Variants in FRYL observed in about 807,000 individuals in gnomAD.
FRYL encodes protein furry homolog-like.
In FRYL, 150 loss-of-function variants were observed where a neutral mutation model predicts 351.2. The observed-to-expected ratio is 0.43, with a 90% CI of 0.37 to 0.49. FRYL has a LOEUF of 0.49. Ranked by LOEUF, FRYL falls within the 20% of genes least tolerant of loss-of-function variation. The pLI is 0.00. For synonymous variants in FRYL, 1,153 were observed against 1,257.1 expected (o/e 0.92, Z 1.75); for missense variants, 3,036 against 3,619.3 (o/e 0.84, Z 4.13).
At chr4:48,737,826 T>C (rs1253694466) in intron 1 of FRYL, among the ~76,000 whole-genome samples, 1 of 152,168 alleles carries the variant, frequency 6.6e-6, no homozygotes, top group South Asian at 2.1e-4. Context: ...TTTAAAATCA[T>C]TAATGTAATT....
chr4:48,687,383 A>C (rs1189939346), intron 2 of FRYL, among the ~76,000 whole-genome samples: 1 of 151,814 alleles, frequency 6.6e-6, no homozygotes, highest in Non-Finnish European at 1.5e-5. Context: ...TTTGAAGGGC[A>C]AGACTTTTCA....
Position 48,613,028 on chromosome 4 carries a change from C to G in FRYL, c.412-3205G>C, listed in dbSNP as rs1268730077. 2.0e-5 allele frequency among the ~76,000 whole-genome samples: 3 copies of G among 152,094 alleles called. No individual in the cohort carries two copies. In the East Asian group the frequency reaches 5.8e-4, roughly 29 times the overall value. ...ATCCCCTATTTGAAATGCTTGGGAC[C>G]AGAAGTGTTTTGGATTTCTGATTTT... On this transcript the variant is annotated intron_variant, in intron 7 of 63. Coordinates refer to ENST00000358350, the MANE Select transcript of FRYL (RefSeq NM_015030.2).
chr4:48,572,195 C>T (rs192445046), intron 26 of FRYL, among the ~76,000 whole-genome samples: 1 of 152,316 alleles, frequency 6.6e-6, no homozygotes, highest in Admixed American at 6.5e-5. Context: ...ACAGCAGACT[C>T]ATCTAAGATG....
At chr4:48,608,269 C>G (rs988772187) in intron 9 of FRYL, among the ~76,000 whole-genome samples, 1 of 152,034 alleles carries the variant, frequency 6.6e-6, no homozygotes, top group Non-Finnish European at 1.5e-5. Context: ...TTGTACTTGC[C>G]TTCTTAGAAT....
At chr4:48,692,025 A>G (rs1480842086) in intron 2 of FRYL, among the ~76,000 whole-genome samples, 1 of 152,212 alleles carries the variant, frequency 6.6e-6, no homozygotes, top group East Asian at 1.9e-4. Flanking sequence ...GAAGAAAATA[A>G]AGACTAGAAA....
intron 39 of FRYL, 131 bp from the exon 40 acceptor site, chr4:48,548,924 G>A: frequency 1.0e-5 from 6 of 573,560 alleles, no homozygotes; most frequent in Admixed American, 3.4e-5. Context: ...GGAAAAAGGA[G>A]GAAAAACAAA....
intron 2 of FRYL, among the ~76,000 whole-genome samples, chr4:48,709,635 TA>T (rs916760692): frequency 6.6e-6 from 1 of 152,186 alleles, no homozygotes; most frequent in African/African-American, 2.4e-5. Flanking sequence ...TTATAGTTCA[TA>T]AAGTGTTGGG....
intron 3 of FRYL, among the ~76,000 whole-genome samples, chr4:48,641,877 C>T (rs1755401188): frequency 6.6e-6 from 1 of 152,134 alleles, no homozygotes; most frequent in Non-Finnish European, 1.5e-5. Context: ...AAAGTTTCCC[C>T]ATTTTGATTA....
chr4:48,767,289 C>T (rs1034371274), intron 1 of FRYL, among the ~76,000 whole-genome samples: 4 of 151,984 alleles, frequency 2.6e-5, no homozygotes, highest in African/African-American at 9.7e-5. Context: ...TTTCAAAGGA[C>T]AACAGCCAGA....
intron 4 of FRYL, among the ~76,000 whole-genome samples, chr4:48,629,449 A>C (rs943439098): frequency 1.3e-5 from 2 of 152,202 alleles, no homozygotes; most frequent in African/African-American, 4.8e-5. Context: ...GAAAGTCGGC[A>C]GTCTGTTCAT....
chr4:48,589,372 T>C (rs958705111), intron 18 of FRYL, among the ~76,000 whole-genome samples: 9 of 79,806 alleles, frequency 1.1e-4, no homozygotes, highest in Admixed American at 2.0e-4. Context: ...GTTCAGATTT[T>C]CAGGATTTTT....
chr4:48,573,633 T>C (rs1271933116), intron 25 of FRYL, among the ~76,000 whole-genome samples: 1 of 152,196 alleles, frequency 6.6e-6, no homozygotes, highest in Middle Eastern at 3.2e-3. Context: ...CACTGCAACT[T>C]ACGCCTCCCG....
At chr4:48,697,814 T>C (rs1448431154) in intron 2 of FRYL, among the ~76,000 whole-genome samples, 2 of 151,880 alleles carry the variant, frequency 1.3e-5, no homozygotes, top group Non-Finnish European at 2.9e-5. Flanking sequence ...AAGAAAAAAA[T>C]GAAATAGAGA....
intron 1 of FRYL, among the ~76,000 whole-genome samples, chr4:48,736,533 A>G (rs1376793115): frequency 1.3e-5 from 2 of 152,120 alleles, no homozygotes; most frequent in African/African-American, 4.8e-5. Context: ...AGATTCCATG[A>G]GCATTAAAAG....
intron 1 of FRYL, among the ~76,000 whole-genome samples, chr4:48,765,796 C>A (rs956834922): frequency 2.6e-5 from 4 of 152,024 alleles, no homozygotes; most frequent in Non-Finnish European, 5.9e-5. Context: ...AACTCAATAA[C>A]AACAGTAAAA....
At chr4:48,503,484 CTAGGTTTGAATCAACA>C (rs1720185688) in intron 60 of FRYL, among the ~76,000 whole-genome samples, 1 of 152,122 alleles carries the variant, frequency 6.6e-6, no homozygotes, top group Non-Finnish European at 1.5e-5. Context: ...CTTAACCCGA[CTAGGTTTGAATCAACA>C]TAATGTATGT....
At chr4:48,660,607 T>C (rs529254885) in intron 3 of FRYL, among the ~76,000 whole-genome samples, 10 of 152,328 alleles carry the variant, frequency 6.6e-5, no homozygotes, top group East Asian at 1.9e-4. Flanking sequence ...TGTGGTGTGA[T>C]AGTTCATTCC....
intron 3 of FRYL, among the ~76,000 whole-genome samples, chr4:48,674,608 G>A (rs1320983151): frequency 6.6e-6 from 1 of 151,616 alleles, no homozygotes; most frequent in Non-Finnish European, 1.5e-5. Flanking sequence ...GTGGTGGCGG[G>A]CTCCTGTAGT....
Position 48,498,200 on chromosome 4 carries a change from G to T in FRYL, c.*1222C>A, listed in dbSNP as rs1718819791. 1 of 151,918 alleles carries T rather than the reference G, an allele frequency of 6.6e-6. No homozygotes were observed. The highest frequency in any genetic ancestry group is 6.6e-5 in the Admixed American group (1 of 15,228). 9.4% of individuals were successfully genotyped at this position (151,918 alleles called of 1,614,324 possible). On this transcript the variant is annotated 3_prime_UTR_variant, in exon 64 of 64. Coordinates refer to ENST00000358350, the MANE Select transcript of FRYL (RefSeq NM_015030.2). ...TGCATGTTTTGGTAGTCAGTCTTCAGGCTTCCTTTCATTTCCCCTAGCCCC... is the reference window on the plus strand; with the variant it reads ...TGCATGTTTTGGTAGTCAGTCTTCATGCTTCCTTTCATTTCCCCTAGCCCC...
Sources: gnomAD v4.1 joint callset for allele counts (sites outside exome capture counted in the v4.1 genomes callset) on GRCh38, gnomAD v4.1.1 for gene constraint, MANE v1.5 for transcripts, NCBI Gene and HGNC (gene_info 2026-07-23, HGNC 2026-07-21) for gene names.